Variants in UQCR10 observed in about 807,000 individuals in gnomAD.
UQCR10 encodes the protein ubiquinol-cytochrome c reductase, complex III subunit X, also known as cytochrome b-c1 complex subunit 9.
A neutral mutation model predicts 6.0 loss-of-function variants in UQCR10; 5 were observed. The observed-to-expected ratio is 0.83, with a 90% confidence interval of 0.43 to 1.74. The LOEUF is 1.74. UQCR10 is among the 40% of genes most tolerant of loss of function. The probability of loss-of-function intolerance (pLI) is 0.02; values close to 1 mark genes in which losing one functional copy is unlikely to be tolerated. For synonymous variants in UQCR10, 40 were observed against 37.4 expected (o/e 1.07, Z -0.26); for missense variants, 101 against 85.1 (o/e 1.19, Z -0.74).
chr22:29,769,109 C>T (rs1324874125), intron 1 of UQCR10, among the ~76,000 whole-genome samples: 2 of 152,150 alleles, frequency 1.3e-5, no homozygotes, highest in African/African-American at 4.8e-5. Flanking sequence ...GGGCACTTCC[C>T]TCAATCTCAA....
chr22:29,767,448 G>C lies in UQCR10; in HGVS notation c.50G>C (p.Arg17Thr), dbSNP rs1457329636. Residue 17 changes from arginine to threonine, a missense_variant, in exon 1 of 2, where the codon AGG becomes ACG. Physicochemically the swap from Arg to Thr is moderately conservative, Grantham distance 71. Coordinates refer to ENST00000330029, the MANE Select transcript of UQCR10 (RefSeq NM_013387.4). ...TSKLYSLLFR[R>T]TSTFALTIIV... is the part of the protein sequence containing the mutation. ...AAATTGTACTCCCTGCTGTTCCGCAGGACCTCCACCTTCGCCCTCACCATC... is the reference window on the plus strand; with the variant it reads ...AAATTGTACTCCCTGCTGTTCCGCACGACCTCCACCTTCGCCCTCACCATC... 6.2e-7 allele frequency: 1 copy of C among 1,613,998 alleles called. No individual in the cohort carries two copies. The highest frequency in any genetic ancestry group is 2.2e-5 in the East Asian group (1 of 44,866).
chr22:29,767,686 G>C (rs1482144413), intron 1 of UQCR10, 138 bp downstream of exon 1: 1 of 1,294,942 alleles, frequency 7.7e-7, no homozygotes, highest in African/African-American at 1.5e-5. Flanking sequence ...CGAGTCCGCC[G>C]TCTGTCCCCT....
At chr22:29,767,638 G>T in intron 1 of UQCR10, 90 bp downstream of exon 1, 1 of 1,489,096 alleles carries the variant, frequency 6.7e-7, no homozygotes, top group African/African-American at 1.4e-5. Flanking sequence ...CTTTTACCAG[G>T]AAGGGGGTAA....
intron 1 of UQCR10, among the ~76,000 whole-genome samples, chr22:29,768,746 C>T (rs1345217133): frequency 3.3e-5 from 5 of 152,138 alleles, no homozygotes; most frequent in African/African-American, 1.2e-4. Context: ...CCCACCTCAG[C>T]CTCCTGAGTA....
chr22:29,768,195 T>C (rs1254758023), intron 1 of UQCR10, among the ~76,000 whole-genome samples: 1 of 152,134 alleles, frequency 6.6e-6, no homozygotes, highest in East Asian at 1.9e-4. Flanking sequence ...TTACATGAGA[T>C]GCAGGCAGGG....
At chr22:29,768,018 T>C (rs949896213) in intron 1 of UQCR10, among the ~76,000 whole-genome samples, 2 of 152,080 alleles carry the variant, frequency 1.3e-5, no homozygotes, top group African/African-American at 2.4e-5. Flanking sequence ...ACGTAGACAG[T>C]TGGTATTAAT....
intron 1 of UQCR10, among the ~76,000 whole-genome samples, chr22:29,768,490 G>T (rs144094912): frequency 8.2e-4 from 125 of 152,266 alleles, no homozygotes; most frequent in Non-Finnish European, 1.5e-3. Flanking sequence ...CCTGTGACCA[G>T]TGCAACTTCC....
rs1034633016 is a variant in UQCR10 at position 29,768,630 on chromosome 22, T to G, written c.151-1048T>G. ...CATTTTCCTTGTGCTTTTTTTTGTTTTGTTTTGTTTTTTTGAGACAGGATC... is the reference window on the plus strand; with the variant it reads ...CATTTTCCTTGTGCTTTTTTTTGTTGTGTTTTGTTTTTTTGAGACAGGATC... On this transcript the variant is annotated intron_variant, in intron 1 of 1. Coordinates refer to ENST00000330029, the MANE Select transcript of UQCR10 (RefSeq NM_013387.4). Among the ~76,000 whole-genome samples, 9 of 146,800 alleles carry G rather than the reference T, an allele frequency of 6.1e-5. 1 individual carries two copies. Among genetic ancestry groups the G allele is most frequent in the African/African-American group, 2.3e-4 (9 of 38,558 alleles).
intron 1 of UQCR10, among the ~76,000 whole-genome samples, chr22:29,768,016 A>C (rs2068236268): frequency 6.6e-6 from 1 of 152,192 alleles, no homozygotes; most frequent in South Asian, 2.1e-4. Flanking sequence ...CCACGTAGAC[A>C]GTTGGTATTA....
At chr22:29,769,563 T>C in intron 1 of UQCR10, 115 bp from the exon 2 acceptor site, 1 of 1,153,130 alleles carries the variant, frequency 8.7e-7, no homozygotes, top group Non-Finnish European at 1.2e-6. Flanking sequence ...ATCTTTTTAA[T>C]CAGGACATGG....
At position 29,769,728 on chromosome 22, in the gene UQCR10, A is replaced by C; in HGVS notation, c.*9A>C. ...AGTATGAGAACAAGTAGTTCCTTGG[A>C]GGCCCCCATCCAGGCCAGAAGGACC... is the stretch of plus-strand genomic sequence containing the variant. On this transcript the variant is annotated 3_prime_UTR_variant, in exon 2 of 2. Coordinates refer to ENST00000330029, the MANE Select transcript of UQCR10 (RefSeq NM_013387.4). 1 of 1,606,240 alleles carries C rather than the reference A, an allele frequency of 6.2e-7. No homozygotes were observed. The highest frequency in any genetic ancestry group is 1.3e-5 in the African/African-American group (1 of 74,876).
intron 1 of UQCR10, 137 bp downstream of exon 1, chr22:29,767,685 C>A: frequency 2.3e-6 from 3 of 1,286,472 alleles, no homozygotes; most frequent in South Asian, 3.2e-5. Context: ...TCGAGTCCGC[C>A]GTCTGTCCCC....
At chr22:29,769,620 A>G in intron 1 of UQCR10, 58 bp from the exon 2 acceptor site, 1 of 1,494,114 alleles carries the variant, frequency 6.7e-7, no homozygotes, top group Non-Finnish European at 9.1e-7. Flanking sequence ...CAGTGGGAGT[A>G]GTTGTAAAAT....
At chr22:29,769,591 C>T (rs1479999782) in intron 1 of UQCR10, 87 bp from the exon 2 acceptor site, 7 of 1,387,898 alleles carry the variant, frequency 5.0e-6, no homozygotes, top group Non-Finnish European at 6.9e-6. Context: ...TTCCCCCAAG[C>T]TCATTTTAGA....
chr22:29,768,152 A>C (rs766874938), intron 1 of UQCR10, among the ~76,000 whole-genome samples: 1 of 152,160 alleles, frequency 6.6e-6, no homozygotes, highest in Non-Finnish European at 1.5e-5. Flanking sequence ...TGAGATGGAG[A>C]TATTAATAGT....
intron 1 of UQCR10, among the ~76,000 whole-genome samples, chr22:29,768,623 TTTTG>T (rs1441575717): frequency 6.1e-5 from 9 of 148,224 alleles, no homozygotes; most frequent in Non-Finnish European, 8.9e-5. Flanking sequence ...TTGTGCTTTT[TTTTG>T]TTTTGTTTTG....
intron 1 of UQCR10, among the ~76,000 whole-genome samples, chr22:29,767,871 AG>A (rs1344783150): frequency 2.0e-5 from 3 of 152,188 alleles, no homozygotes; most frequent in Non-Finnish European, 4.4e-5. Context: ...GGGGCAAGTC[AG>A]GGCCAGAAAC....
In UQCR10 at chr22:29,769,853, G is replaced by T; in HGVS notation, c.*134G>T. 1 of 1,028,128 alleles carries T rather than the reference G, an allele frequency of 9.7e-7. No individual in the cohort carries two copies. Among genetic ancestry groups the T allele is most frequent in the Non-Finnish European group, 1.5e-6 (1 of 671,990 alleles). 63.7% of individuals were successfully genotyped at this position (1,028,128 alleles called of 1,614,324 possible). The stretch of plus-strand genomic sequence containing the variant: ...CCACCATTCGCTGTTGGCAAGAAAC[G>T]GCTTTACTTACAAAACAGACTCTTT... On this transcript the variant is annotated 3_prime_UTR_variant, in exon 2 of 2. Transcript: ENST00000330029.
chr22:29,769,994 G>C lies in UQCR10; in HGVS notation c.*275G>C. ...TGTTAACTCTACCTGATCTTCACTT[G>C]TCAGTAATTTGAGACCACTTCAAAG... On this transcript the variant is annotated 3_prime_UTR_variant, in exon 2 of 2. Transcript: ENST00000330029. 4.9e-6 allele frequency: 3 copies of C among 612,804 alleles called. No homozygotes were observed. Among genetic ancestry groups the C allele is most frequent in the Non-Finnish European group, 9.2e-6 (3 of 327,266 alleles). The allele number at this position is 612,804 out of a possible 1,614,324, so 38.0% of individuals were successfully genotyped here.
Sources: allele counts gnomAD v4.1 joint callset (sites outside exome capture counted in the v4.1 genomes callset), GRCh38; gene constraint gnomAD v4.1.1; transcripts MANE v1.5; gene names NCBI Gene and HGNC (gene_info 2026-07-23, HGNC 2026-07-21).